Variants in DAB1 observed in about 807,000 individuals in gnomAD.
DAB1 encodes the protein disabled homolog 1.
In DAB1, 15 loss-of-function variants were observed where a neutral mutation model predicts 64.6. The ratio of observed to expected loss-of-function variants is 0.23; its 90% CI spans 0.16 to 0.36. The LOEUF (loss-of-function observed/expected upper bound fraction) is 0.36, where lower values mean the gene tolerates loss of function less well. Among genes scored for constraint, DAB1 ranks in the 10% least tolerant of loss-of-function variants. The pLI is 1.00. For synonymous variants in DAB1, 235 were observed against 251.9 expected, an observed-to-expected ratio of 0.93 and a Z score of 0.64; for missense variants, 596 against 706.7, an observed-to-expected ratio of 0.84 and a Z score of 1.78.
At chr1:58,181,919 A>C (rs1364336234) in intron 4 of DAB1, among the ~76,000 whole-genome samples, 1 of 152,044 alleles carries the variant, frequency 6.6e-6, no homozygotes, top group Non-Finnish European at 1.5e-5. Flanking sequence ...AATTCAAGCT[A>C]TCACCTAGTG....
chr1:57,389,355 T>C (rs1039007905), intron 1 of DAB1, among the ~76,000 whole-genome samples: 1 of 152,160 alleles, frequency 6.6e-6, no homozygotes, highest in Non-Finnish European at 1.5e-5. Context: ...CAGTATGGCA[T>C]GTAAGGTTCT....
chr1:58,168,468 G>A (rs931535355), intron 4 of DAB1, among the ~76,000 whole-genome samples: 5 of 152,058 alleles, frequency 3.3e-5, no homozygotes, highest in Admixed American at 1.3e-4. Flanking sequence ...TCTTCTCTGA[G>A]GCTAGTCCCA....
chr1:58,169,445 T>C (rs1656042590), intron 4 of DAB1, among the ~76,000 whole-genome samples: 1 of 152,116 alleles, frequency 6.6e-6, no homozygotes, highest in South Asian at 2.1e-4. Flanking sequence ...ACCCTTAAAA[T>C]GCATCCTAAG....
intron 7 of DAB1, among the ~76,000 whole-genome samples, chr1:57,463,038 A>G (rs1686838843): frequency 1.3e-5 from 2 of 152,240 alleles, no homozygotes; most frequent in East Asian, 3.8e-4. Flanking sequence ...AATATAATAT[A>G]TAAAATGAAT....
At chr1:58,013,988 T>C (rs1169530905) in intron 5 of DAB1, among the ~76,000 whole-genome samples, 1 of 152,100 alleles carries the variant, frequency 6.6e-6, no homozygotes, top group Non-Finnish European at 1.5e-5. Context: ...TGGTAGTAGC[T>C]ATTATTTCCG....
At chr1:57,403,661 AG>A in intron 1 of DAB1, among the ~76,000 whole-genome samples, 1 of 152,300 alleles carries the variant, frequency 6.6e-6, no homozygotes, top group Admixed American at 6.5e-5. Context: ...AGACTGTACT[AG>A]GGGTTAAAAG....
At chr1:57,368,137 G>GCCCCTGACACCTCAGC (rs1680210262) in intron 1 of DAB1, among the ~76,000 whole-genome samples, 1 of 152,216 alleles carries the variant, frequency 6.6e-6, no homozygotes, top group African/African-American at 2.4e-5. Flanking sequence ...GACATGTCAG[G>GCCCCTGACACCTCAGC]CCCCTGACAC....
chr1:57,476,908 C>G (rs949459356), intron 7 of DAB1, among the ~76,000 whole-genome samples: 1 of 152,178 alleles, frequency 6.6e-6, no homozygotes, highest in African/African-American at 2.4e-5. Flanking sequence ...CCACTTGGCA[C>G]CTGTGCAATT....
In DAB1 at chr1:58,426,986, C is replaced by T. The variant is rs1430834109; in HGVS notation, n.257+79074G>A. On this transcript the variant is annotated intron_variant and non_coding_transcript_variant, in intron 3 of 20. Transcript: ENST00000485760. ...ATTGAAAGAGGTGAGGGCATATTCA[C>T]CTTTTGGATATTTCTGGGAAGAGGA... Among the ~76,000 whole-genome samples, 6 of 152,238 alleles carry T rather than the reference C, an allele frequency of 3.9e-5. No homozygotes were observed. In the East Asian group the frequency reaches 1.2e-3, roughly 29 times the overall value.
chr1:57,795,239 T>A (rs1402479978), intron 6 of DAB1, among the ~76,000 whole-genome samples: 1 of 152,168 alleles, frequency 6.6e-6, no homozygotes, highest in African/African-American at 2.4e-5. Context: ...ACCTAAGTTA[T>A]CATCAAAGCA....
At chr1:57,431,102 G>T (rs1685489576) in intron 7 of DAB1, among the ~76,000 whole-genome samples, 1 of 122,926 alleles carries the variant, frequency 8.1e-6, no homozygotes, top group Non-Finnish European at 1.7e-5. Context: ...AAGATAATTG[G>T]ATAACCAGGT....
intron 5 of DAB1, among the ~76,000 whole-genome samples, chr1:57,972,185 C>T (rs1023063497): frequency 5.3e-5 from 8 of 152,164 alleles, no homozygotes; most frequent in African/African-American, 1.9e-4. Context: ...CCACATAAAA[C>T]TTAGTCTCAT....
chr1:58,453,835 G>GA (rs144074038), intron 3 of DAB1, among the ~76,000 whole-genome samples: 6,653 of 152,230 alleles, frequency 0.044, 204 homozygotes, highest in East Asian at 0.078. Context: ...ACCTGTGAGA[G>GA]AAAACTGAGG....
At chr1:58,525,663 T>C (rs1206264527) in intron 2 of DAB1, among the ~76,000 whole-genome samples, 1 of 152,108 alleles carries the variant, frequency 6.6e-6, no homozygotes, top group East Asian at 1.9e-4. Flanking sequence ...ATAAATGCAA[T>C]GCAATTCCAA....
chr1:57,327,146 C>A (rs1444407649), intron 1 of DAB1, among the ~76,000 whole-genome samples: 2 of 151,874 alleles, frequency 1.3e-5, no homozygotes, highest in Non-Finnish European at 2.9e-5. Flanking sequence ...TTACTATGTT[C>A]CCCAGGCTGG....
chr1:58,261,225 T>A (rs1402413389), intron 4 of DAB1, among the ~76,000 whole-genome samples: 1 of 152,158 alleles, frequency 6.6e-6, no homozygotes, highest in Non-Finnish European at 1.5e-5. Flanking sequence ...ATAGCATTTT[T>A]CCCTGCCTAG....
chr1:57,557,272 G>A (rs1645000303), intron 7 of DAB1, among the ~76,000 whole-genome samples: 1 of 152,054 alleles, frequency 6.6e-6, no homozygotes, highest in East Asian at 1.9e-4. Context: ...CTCCTGTGCT[G>A]GATGCTTCCT....
At chr1:58,297,537 A>T (rs957775868) in intron 4 of DAB1, among the ~76,000 whole-genome samples, 16 of 152,098 alleles carry the variant, frequency 1.1e-4, no homozygotes, top group African/African-American at 3.9e-4. Flanking sequence ...ACTGATTCCA[A>T]ATGGCCCTTT....
At chr1:57,444,197 T>G (rs1253165755) in intron 7 of DAB1, among the ~76,000 whole-genome samples, 2 of 152,180 alleles carry the variant, frequency 1.3e-5, no homozygotes, top group Non-Finnish European at 2.9e-5. Flanking sequence ...ACTCTTGATG[T>G]TCCTCTTTAA....
Sources: allele counts gnomAD v4.1 joint callset (sites outside exome capture counted in the v4.1 genomes callset), GRCh38; gene constraint gnomAD v4.1.1; transcripts MANE v1.5; gene names NCBI Gene and HGNC (gene_info 2026-07-23, HGNC 2026-07-21).